ITGA6: variants seen among roughly 807,000 people sequenced by gnomAD.
ITGA6 encodes integrin subunit alpha 6.
Under a neutral mutation model 133.6 loss-of-function variants are expected in ITGA6, and 63 were observed. The observed-to-expected ratio is 0.47, with a 90% CI of 0.38 to 0.58. ITGA6 has a LOEUF of 0.58. ITGA6 is among the 20% of genes least tolerant of loss of function. The pLI, the probability that ITGA6 is intolerant of heterozygous loss-of-function variation, is 0.00. For missense variants in ITGA6, 1,068 were observed against 1,309.4 expected, an observed-to-expected ratio of 0.82 and a Z score of 2.85; for synonymous variants, 434 against 482.0, an observed-to-expected ratio of 0.90 and a Z score of 1.30.
At chr2:172,484,170 A>G (rs1349740434) in intron 11 of ITGA6, among the ~76,000 whole-genome samples, 1 of 152,196 alleles carries the variant, frequency 6.6e-6, no homozygotes, top group Non-Finnish European at 1.5e-5. Flanking sequence ...CTCCATCTCT[A>G]AAATATATTA....
intron 1 of ITGA6, among the ~76,000 whole-genome samples, chr2:172,429,997 AG>A (rs1158685946): frequency 6.6e-6 from 1 of 152,230 alleles, no homozygotes; most frequent in Non-Finnish European, 1.5e-5. Flanking sequence ...AGTAAGACTG[AG>A]AAAACTTCTG....
Position 172,491,466 on chromosome 2 carries a change from C to T in ITGA6, c.2931C>T (p.Ala977=). Residue 977 remains alanine (A), a synonymous_variant, in exon 23 of 26, where the codon GCC becomes GCT. Coordinates refer to ENST00000684293, the MANE Select transcript of ITGA6 (RefSeq NM_000210.4). This position sits in a 1 kb window ranked among gnomAD's most constrained non-coding sequence, Gnocchi z 4.4. ...KLNYLDILMR[A]FIDVTAAAEN... is the part of the protein sequence containing the mutation. ...ACTACTTGGACATTCTCATGCGAGCCTTCATTGATGTGACTGCTGCTGCCG... is the reference window on the plus strand; with the variant it reads ...ACTACTTGGACATTCTCATGCGAGCTTTCATTGATGTGACTGCTGCTGCCG... The T allele has an allele frequency of 6.2e-7, 1 of 1,613,848 alleles. No individual in the cohort carries two copies. Among genetic ancestry groups the T allele is most frequent in the South Asian group, 1.1e-5 (1 of 91,072 alleles).
In ITGA6 at chr2:172,501,803, A is replaced by G; in HGVS notation, c.3146A>G (p.His1049Arg). 6.2e-7 allele frequency: 1 copy of G among 1,612,836 alleles called. No homozygotes were observed. Residue 1049 changes from histidine to arginine, a missense_variant, in exon 25 of 26, where the codon CAT becomes CGT. By Grantham distance (29) the His-to-Arg change is conservative (BLOSUM62 0). This residue lies in a region of ITGA6 where 609 missense variants were observed against 707.2 expected (regional missense o/e 0.86). Coordinates refer to ENST00000684293, the MANE Select transcript of ITGA6 (RefSeq NM_000210.4). ...TTCTTCAAGAGAAATAAGAAAGATC[A>G]TTATGATGCCACATATCACAAGGCT... ...CGFFKRNKKD[H>R]YDATYHKAEI...
chr2:172,485,371 C>T, intron 13 of ITGA6, 107 bp downstream of exon 13: 2 of 996,002 alleles, frequency 2.0e-6, no homozygotes, highest in South Asian at 2.6e-5. Context: ...AAAGGCCATT[C>T]TTTTGTGTTA....
intron 20 of ITGA6, among the ~76,000 whole-genome samples, chr2:172,490,289 C>T (rs1405159300): frequency 2.6e-5 from 4 of 152,186 alleles, no homozygotes; most frequent in Admixed American, 2.6e-4. Context: ...ACATACAAGC[C>T]CTGCTCTGCC....
chr2:172,475,564 T>C, intron 7 of ITGA6, 33 bp from the exon 8 acceptor site: 1 of 1,143,900 alleles, frequency 8.7e-7, no homozygotes, highest in South Asian at 1.2e-5. Flanking sequence ...CTAAAGCGTT[T>C]GTTAAAATGT....
intron 4 of ITGA6, among the ~76,000 whole-genome samples, 191 bp from the exon 5 acceptor site, chr2:172,470,782 CA>C (rs1172134046): frequency 6.6e-6 from 1 of 152,084 alleles, no homozygotes; most frequent in African/African-American, 2.4e-5. Context: ...ATGACTCAAA[CA>C]AATTTCTTTC....
chr2:172,505,375 A>G lies in ITGA6; in HGVS notation c.*1307A>G, dbSNP rs895010363. 2 of 152,222 alleles carry G rather than the reference A, an allele frequency of 1.3e-5. No homozygotes were observed. The highest frequency in any genetic ancestry group is 2.4e-5 in the African/African-American group (1 of 41,470). The allele number at this position is 152,222 out of a possible 1,614,324, so 9.4% of individuals were successfully genotyped here. A position where few individuals can be genotyped will look rare whatever the true frequency, so the allele number is the denominator to read the frequency against. ...TGGTGGATCCAAACTGATCCAGTATAAGACTACTGAATCTGCTACCAAAAC... is the reference window on the plus strand; with the variant it reads ...TGGTGGATCCAAACTGATCCAGTATGAGACTACTGAATCTGCTACCAAAAC... On this transcript the variant is annotated 3_prime_UTR_variant, in exon 26 of 26. Coordinates refer to ENST00000684293, the MANE Select transcript of ITGA6 (RefSeq NM_000210.4).
At chr2:172,470,928 G>GT (rs1685904301) in intron 4 of ITGA6, 46 bp from the exon 5 acceptor site, 1 of 1,600,628 alleles carries the variant, frequency 6.2e-7, no homozygotes, top group African/African-American at 1.3e-5. Flanking sequence ...ATTTTCTTTT[G>GT]TTTCATCTTC....
At chr2:172,441,559 T>TAAAAAAAA (rs57828626) in intron 1 of ITGA6, among the ~76,000 whole-genome samples, 5 of 48,852 alleles carry the variant, frequency 1.0e-4, no homozygotes, top group African/African-American at 3.4e-4. Context: ...GCTGTCTCTT[T>TAAAAAAAA]AAAAAAAAAA....
chr2:172,487,370 G>A lies in ITGA6; in HGVS notation c.2077G>A (p.Asp693Asn), dbSNP rs371857011. The change falls in exon 15 of 26, where the codon GAT becomes AAT. Residue 693 changes from aspartate to asparagine, a missense_variant. Physicochemically the swap from Asp to Asn is conservative, Grantham distance 23 (BLOSUM62 1). Around this residue, in one of 3 missense-constraint regions of ITGA6, gnomAD observed 609 missense variants for 707.2 expected, o/e 0.86. Transcript: ENST00000684293. ...SNPRNPTKDG[D>N]DAHEAKLIAT... Reference sequence around the variant, plus strand: ...CCCAAGGAATCCCACAAAAGATGGCGATGACGCCCATGAGGCTAAACTGAT... The same window carrying A: ...CCCAAGGAATCCCACAAAAGATGGCAATGACGCCCATGAGGCTAAACTGAT... 106 of 1,613,958 alleles carry A rather than the reference G, an allele frequency of 6.6e-5. No individual in the cohort carries two copies. The highest frequency in any genetic ancestry group is 1.6e-4 in the Middle Eastern group (1 of 6,084).
intron 1 of ITGA6, among the ~76,000 whole-genome samples, chr2:172,439,429 C>G (rs1024318777): frequency 6.6e-6 from 1 of 151,630 alleles, no homozygotes; most frequent in Non-Finnish European, 1.5e-5. Flanking sequence ...AATCTGAGTT[C>G]AAAAGGAAAT....
intron 1 of ITGA6, among the ~76,000 whole-genome samples, chr2:172,435,048 GTGTGTGTGTGTA>G (rs1574312978): frequency 6.6e-6 from 1 of 151,314 alleles, no homozygotes; most frequent in African/African-American, 2.4e-5. Context: ...GTGTGTGTGT[GTGTGTGTGTGTA>G]TGATGCAAAT....
chr2:172,491,406 A>T lies in ITGA6; in HGVS notation c.2890-19A>T. 6.2e-7 allele frequency: 1 copy of T among 1,601,100 alleles called. No homozygotes were observed. The highest frequency in any genetic ancestry group is 8.6e-7 in the Non-Finnish European group (1 of 1,168,112). ...AGGACACTTTTCACTTCCCTAATGCATTCACTGTCTCCAAACAGGAATATT... is the reference window on the plus strand; with the variant it reads ...AGGACACTTTTCACTTCCCTAATGCTTTCACTGTCTCCAAACAGGAATATT... On this transcript the variant is annotated intron_variant, in intron 22 of 25. Coordinates refer to ENST00000684293, the MANE Select transcript of ITGA6 (RefSeq NM_000210.4). This position sits in a 1 kb window ranked among gnomAD's most constrained non-coding sequence, Gnocchi z 4.4.
At chr2:172,501,932 TG>T in intron 25 of ITGA6, 31 bp downstream of exon 25, 1 of 1,588,086 alleles carries the variant, frequency 6.3e-7, no homozygotes, top group Non-Finnish European at 8.6e-7. Flanking sequence ...AATTGCTAGC[TG>T]TGGGACCCGC....
chr2:172,432,865 GA>G (rs1195245121), intron 1 of ITGA6, among the ~76,000 whole-genome samples: 1 of 152,240 alleles, frequency 6.6e-6, no homozygotes, highest in Non-Finnish European at 1.5e-5. Context: ...AAAGCAACTT[GA>G]CAGGGGTGTG....
chr2:172,488,786 C>T (rs1686797118), intron 19 of ITGA6, among the ~76,000 whole-genome samples: 1 of 152,180 alleles, frequency 6.6e-6, no homozygotes, highest in Admixed American at 6.5e-5. Context: ...AGCATGGGCC[C>T]ACCTGACTCC....
chr2:172,450,724 G>A (rs1051665372), intron 1 of ITGA6, among the ~76,000 whole-genome samples: 5 of 151,746 alleles, frequency 3.3e-5, no homozygotes, highest in African/African-American at 1.2e-4. Flanking sequence ...GGAGGCTGAG[G>A]CAGGTGGATC....
At chr2:172,465,435 A>G in intron 1 of ITGA6, 104 bp from the exon 2 acceptor site, 5 of 1,329,070 alleles carry the variant, frequency 3.8e-6, no homozygotes, top group South Asian at 1.2e-5. Context: ...GAATTAGTGG[A>G]CTCCTAGACA....
Sources: gnomAD v4.1 joint callset for allele counts (sites outside exome capture counted in the v4.1 genomes callset) on GRCh38, gnomAD v4.1.1 for gene constraint, gnomAD v4.1.1 regional missense constraint, Gnocchi (gnomAD v3.1) non-coding constraint, MANE v1.5 for transcripts, NCBI Gene and HGNC (gene_info 2026-07-23, HGNC 2026-07-21) for gene names.